Variants in NBPF3 observed in about 807,000 individuals in gnomAD.
The protein encoded by NBPF3 is NBPF member 3, also known as NBPF family member NBPF3.
In NBPF3, 57 loss-of-function variants were observed where a neutral mutation model predicts 78.1. The observed-to-expected ratio is 0.73, with a 90% CI of 0.59 to 0.91. The LOEUF (loss-of-function observed/expected upper bound fraction) is 0.91. Among genes scored for constraint, NBPF3 ranks in the 40% least tolerant of loss-of-function variants. NBPF3 has a pLI of 0.00. For missense variants in NBPF3, 510 were observed against 715.3 expected (o/e 0.71, Z 3.27); for synonymous variants, 182 against 271.7 (o/e 0.67, Z 3.25).
intron 2 of NBPF3, among the ~76,000 whole-genome samples, chr1:21,447,619 A>G (rs1362793455): frequency 2.6e-5 from 4 of 152,184 alleles, no homozygotes; most frequent in African/African-American, 9.7e-5. Flanking sequence ...ATTTCGTTGT[A>G]TGGCTACAAC....
At chr1:21,451,873 C>T in intron 2 of NBPF3, 1 of 954,798 alleles carries the variant, frequency 1.0e-6, no homozygotes, top group Non-Finnish European at 1.3e-6. Flanking sequence ...CATGAAGCAG[C>T]CGCCAGTTGG....
intron 9 of NBPF3, among the ~76,000 whole-genome samples, chr1:21,478,721 C>G (rs1163023750): frequency 1.3e-5 from 2 of 152,236 alleles, no homozygotes; most frequent in African/African-American, 4.8e-5. Flanking sequence ...CTGCCCAAGG[C>G]CAGTGTCACC....
At chr1:21,453,274 T>G (rs2147926075) in intron 2 of NBPF3, 1 of 152,292 alleles carries the variant, frequency 6.6e-6, no homozygotes, top group East Asian at 1.9e-4. Flanking sequence ...GCACTGAGTA[T>G]CTGGCAATAG....
chr1:21,480,779 C>G (rs1231389433), intron 11 of NBPF3, 151 bp from the exon 12 acceptor site: 1 of 628,646 alleles, frequency 1.6e-6, no homozygotes, highest in Non-Finnish European at 2.9e-6. Context: ...CTATCATGAC[C>G]AGCTTTGAGG....
At chr1:21,444,116 G>A (rs1640825007) in intron 1 of NBPF3, among the ~76,000 whole-genome samples, 1 of 152,034 alleles carries the variant, frequency 6.6e-6, no homozygotes, top group Non-Finnish European at 1.5e-5. Context: ...ACCTTGCCTG[G>A]CATGAAACAG....
intron 2 of NBPF3, among the ~76,000 whole-genome samples, chr1:21,453,169 C>T (rs560272941): frequency 6.6e-6 from 1 of 152,310 alleles, no homozygotes; most frequent in Non-Finnish European, 1.5e-5. Context: ...TGCATGCACA[C>T]TTCCAGTTAG....
rs3820597 is a variant in NBPF3, at chr1:21,444,851, G to A, written c.-139-97G>A. ...ACCACCTTTCAACCTGCTCTTCCCTGGGTCTTCCCAGTCTCCGTAAATGGC... is the reference window on the plus strand; with the variant it reads ...ACCACCTTTCAACCTGCTCTTCCCTAGGTCTTCCCAGTCTCCGTAAATGGC... On this transcript the variant is annotated intron_variant, in intron 1 of 14. Transcript: ENST00000318249. 210,724 of 418,730 alleles carry A rather than the reference G, an allele frequency of 0.5. 55,625 individuals carry two copies. Among genetic ancestry groups the A allele is most frequent in the Middle Eastern group, 0.6 (862 of 1,436 alleles). The allele number at this position is 418,730 out of a possible 1,614,324, so 25.9% of individuals were successfully genotyped here. A position where few individuals can be genotyped will look rare whatever the true frequency, so the allele number is the denominator to read the frequency against.
intron 10 of NBPF3, among the ~76,000 whole-genome samples, chr1:21,479,637 T>A (rs539125272): frequency 3.9e-5 from 6 of 152,302 alleles, no homozygotes; most frequent in African/African-American, 1.4e-4. Context: ...TGTATTCTCA[T>A]GGTGACTGCA....
intron 8 of NBPF3, among the ~76,000 whole-genome samples, chr1:21,477,903 C>T (rs994052647): frequency 3.3e-5 from 5 of 152,152 alleles, no homozygotes; most frequent in African/African-American, 1.2e-4. Context: ...AGTCTGGGTG[C>T]CCTGCATTGG....
chr1:21,475,352 G>A (rs1166624749), intron 8 of NBPF3, among the ~76,000 whole-genome samples: 4 of 152,212 alleles, frequency 2.6e-5, no homozygotes, highest in East Asian at 1.9e-4. Flanking sequence ...TAATTGTGAT[G>A]TTAAGGTGTT....
At chr1:21,471,382 A>G (rs1642584108) in intron 4 of NBPF3, among the ~76,000 whole-genome samples, 187 bp from the exon 5 acceptor site, 1 of 152,214 alleles carries the variant, frequency 6.6e-6, no homozygotes, top group Admixed American at 6.5e-5. Context: ...GCCCTCTCTC[A>G]TACAGAGGAA....
At chr1:21,479,820 CTGTG>C (rs59451117) in intron 10 of NBPF3, among the ~76,000 whole-genome samples, 33 of 102,802 alleles carry the variant, frequency 3.2e-4, no homozygotes, top group African/African-American at 9.4e-4. Context: ...CTCTCTCTCT[CTGTG>C]TGTGTGTGTG....
At chr1:21,438,157 G>C (rs1244676368), upstream of NBPF3, among the ~76,000 whole-genome samples, 1 of 151,172 alleles carries the variant, frequency 6.6e-6, no homozygotes, top group East Asian at 2.0e-4. Flanking sequence ...CTGTCCCCTA[G>C]GCTGGATTGC....
intron 5 of NBPF3, 33 bp from the exon 6 acceptor site, chr1:21,472,810 G>A (rs1016502416): frequency 6.6e-7 from 1 of 1,514,916 alleles, no homozygotes; most frequent in South Asian, 1.1e-5. Context: ...TGTGAATTGG[G>A]AAATATCTGA....
chr1:21,479,163 T>C (rs1382607006), intron 9 of NBPF3, among the ~76,000 whole-genome samples, 186 bp from the exon 10 acceptor site: 2 of 152,236 alleles, frequency 1.3e-5, no homozygotes, highest in Admixed American at 6.5e-5. Context: ...TGCCCAAGGC[T>C]CATGAAAGGA....
intron 2 of NBPF3, among the ~76,000 whole-genome samples, chr1:21,458,365 C>CTT (rs35837630): frequency 6.1e-5 from 8 of 131,958 alleles, no homozygotes; most frequent in Admixed American, 3.0e-4. Flanking sequence ...AGGGCATGGG[C>CTT]TTTTTTTTTT....
At chr1:21,444,322 C>T (rs1298724784) in intron 1 of NBPF3, among the ~76,000 whole-genome samples, 1 of 152,150 alleles carries the variant, frequency 6.6e-6, no homozygotes, top group Non-Finnish European at 1.5e-5. Context: ...GATTTTGGGG[C>T]TTTTGTTACT....
chr1:21,445,216 A>G lies in NBPF3; in HGVS notation c.130A>G (p.Thr44Ala). The change falls in exon 2 of 15, where the codon ACA becomes GCA. Residue 44 changes from threonine to alanine, a missense_variant. Thr to Ala is a moderately conservative substitution (Grantham distance 58, BLOSUM62 0). Transcript: ENST00000318249. Reference protein sequence around the residue: ...VGRHQELRDPTVPGPTSSATN... With the variant: ...VGRHQELRDPAVPGPTSSATN... Reference sequence around the variant, plus strand: ...CCGACATCAAGAGCTGCGAGATCCAACAGGTAAAAATCCCGAGGCATTGCC... The same window carrying G: ...CCGACATCAAGAGCTGCGAGATCCAGCAGGTAAAAATCCCGAGGCATTGCC... 1 of 1,611,606 alleles carries G rather than the reference A, an allele frequency of 6.2e-7. No individual in the cohort carries two copies. The highest frequency in any genetic ancestry group is 1.7e-5 in the Admixed American group (1 of 60,000).
rs527977631 is a variant in NBPF3, at chr1:21,461,755, G to T, written c.134-6933G>T. Among the ~76,000 whole-genome samples, 18 of 152,294 alleles carry T rather than the reference G, an allele frequency of 1.2e-4. No individual in the cohort carries two copies. In the East Asian group the frequency reaches 2.5e-3, roughly 21 times the overall value. On this transcript the variant is annotated intron_variant, in intron 2 of 14. Coordinates refer to ENST00000318249, the MANE Select transcript of NBPF3 (RefSeq NM_032264.6). Reference sequence around the variant, plus strand: ...TGGGATTACAGGCATGAGCCACCAGGCCCAGCCAAAATGATTCCATGTTTA... The same window carrying T: ...TGGGATTACAGGCATGAGCCACCAGTCCCAGCCAAAATGATTCCATGTTTA...
Sources: allele counts gnomAD v4.1 joint callset (sites outside exome capture counted in the v4.1 genomes callset), GRCh38; gene constraint gnomAD v4.1.1; transcripts MANE v1.5; gene names NCBI Gene and HGNC (gene_info 2026-07-23, HGNC 2026-07-21).